Variants in FBXL7 observed in about 807,000 individuals in gnomAD.
FBXL7 encodes F-box and leucine rich repeat protein 7.
A neutral mutation model predicts 38.3 loss-of-function variants in FBXL7; 12 were observed. That is an observed-to-expected ratio of 0.31 (90% CI 0.20 to 0.51). The LOEUF (loss-of-function observed/expected upper bound fraction) is 0.51, where lower values mean the gene tolerates loss of function less well. Among genes scored for constraint, FBXL7 ranks in the 20% least tolerant of loss-of-function variants. The probability of loss-of-function intolerance (pLI) is 0.98; values close to 1 mark genes in which losing one functional copy is unlikely to be tolerated. For missense variants in FBXL7, 567 were observed against 676.4 expected (o/e 0.84, Z 1.79); for synonymous variants, 297 against 300.9 (o/e 0.99, Z 0.13).
chr5:15,775,043 T>A (rs1736824111), intron 2 of FBXL7, among the ~76,000 whole-genome samples: 1 of 152,174 alleles, frequency 6.6e-6, no homozygotes, highest in Non-Finnish European at 1.5e-5. Context: ...CAGAAAACAT[T>A]TCTGACATGA....
At chr5:15,704,985 A>T (rs1448326741) in intron 2 of FBXL7, among the ~76,000 whole-genome samples, 4 of 151,942 alleles carry the variant, frequency 2.6e-5, no homozygotes, top group Non-Finnish European at 5.9e-5. Flanking sequence ...AAAAAATTAA[A>T]TATATATATA....
chr5:15,546,607 T>C (rs995181485), intron 1 of FBXL7, among the ~76,000 whole-genome samples: 2 of 152,138 alleles, frequency 1.3e-5, no homozygotes, highest in Non-Finnish European at 2.9e-5. Context: ...GGCAGGCACC[T>C]GTAATTCCAG....
At chr5:15,712,417 G>GA (rs1306382989) in intron 2 of FBXL7, among the ~76,000 whole-genome samples, 1 of 150,668 alleles carries the variant, frequency 6.6e-6, no homozygotes, top group Non-Finnish European at 1.5e-5. Context: ...CCTGATACAT[G>GA]AAAAAATGTG....
At chr5:15,701,514 T>C (rs1457015057) in intron 2 of FBXL7, among the ~76,000 whole-genome samples, 1 of 152,156 alleles carries the variant, frequency 6.6e-6, no homozygotes, top group African/African-American at 2.4e-5. Context: ...TGTGTACTAT[T>C]TAATTAATTA....
intron 2 of FBXL7, among the ~76,000 whole-genome samples, chr5:15,701,615 CAT>C (rs1561091495): frequency 6.6e-6 from 1 of 151,570 alleles, no homozygotes; most frequent in African/African-American, 2.4e-5. Flanking sequence ...AGGAGATAGA[CAT>C]ATAAAAAAAA....
At chr5:15,701,099 G>A (rs923882619) in intron 2 of FBXL7, among the ~76,000 whole-genome samples, 8 of 152,114 alleles carry the variant, frequency 5.3e-5, no homozygotes, top group African/African-American at 1.9e-4. Context: ...TGAATTTTTT[G>A]AGTCAGGTTG....
intron 2 of FBXL7, among the ~76,000 whole-genome samples, chr5:15,697,227 C>T (rs1455384184): frequency 1.3e-5 from 2 of 152,036 alleles, no homozygotes; most frequent in African/African-American, 2.4e-5. Flanking sequence ...GGAATAGGTC[C>T]TCTCTGGTTA....
intron 2 of FBXL7, among the ~76,000 whole-genome samples, chr5:15,926,516 C>A (rs1741881125): frequency 6.7e-6 from 1 of 150,262 alleles, no homozygotes; most frequent in African/African-American, 2.4e-5. Context: ...AAAAATATAT[C>A]ATATGCAATT....
At chr5:15,855,980 C>T (rs916148872) in intron 2 of FBXL7, among the ~76,000 whole-genome samples, 1 of 152,058 alleles carries the variant, frequency 6.6e-6, no homozygotes, top group African/African-American at 2.4e-5. Context: ...TTCAAACTAC[C>T]AAAGTAATAT....
At chr5:15,504,217 A>T (rs1370228018) in intron 1 of FBXL7, among the ~76,000 whole-genome samples, 1 of 152,256 alleles carries the variant, frequency 6.6e-6, no homozygotes, top group Non-Finnish European at 1.5e-5. Flanking sequence ...AAATTTCTTG[A>T]CATTACTTGT....
chr5:15,734,595 C>T (rs1735698764), intron 2 of FBXL7, among the ~76,000 whole-genome samples: 1 of 152,240 alleles, frequency 6.6e-6, no homozygotes. Context: ...TTCTGCCTCC[C>T]TCCTCTTCCA....
chr5:15,885,367 T>G (rs1740633387), intron 2 of FBXL7, among the ~76,000 whole-genome samples: 1 of 152,180 alleles, frequency 6.6e-6, no homozygotes, highest in Admixed American at 6.5e-5. Context: ...AATCTAACCT[T>G]GGAAGTGACA....
At chr5:15,830,674 T>G (rs1179422664) in intron 2 of FBXL7, among the ~76,000 whole-genome samples, 1 of 152,206 alleles carries the variant, frequency 6.6e-6, no homozygotes, top group African/African-American at 2.4e-5. Context: ...GTGCAGCTTA[T>G]TTTAATTATT....
intron 1 of FBXL7, among the ~76,000 whole-genome samples, chr5:15,578,847 C>T (rs536653240): frequency 1.3e-5 from 2 of 152,164 alleles, no homozygotes; most frequent in Non-Finnish European, 2.9e-5. Context: ...GATGGAATAT[C>T]TTTGGATTGG....
chr5:15,694,209 T>G (rs1418712498), intron 2 of FBXL7, among the ~76,000 whole-genome samples: 1 of 152,170 alleles, frequency 6.6e-6, no homozygotes, highest in Non-Finnish European at 1.5e-5. Context: ...AGCCTCACCC[T>G]TGTTGCATGT....
chr5:15,845,854 C>A (rs561874235), intron 2 of FBXL7, among the ~76,000 whole-genome samples: 12 of 152,118 alleles, frequency 7.9e-5, no homozygotes, highest in Non-Finnish European at 1.5e-5. Context: ...GCCTGGAGTC[C>A]CAGCTACTCG....
intron 2 of FBXL7, among the ~76,000 whole-genome samples, chr5:15,867,717 T>G (rs918606349): frequency 6.6e-6 from 1 of 152,188 alleles, no homozygotes; most frequent in African/African-American, 2.4e-5. Flanking sequence ...GTGCTTAAAG[T>G]GGAAGAGACA....
chr5:15,562,729 T>A (rs1365472830), intron 1 of FBXL7, among the ~76,000 whole-genome samples: 1 of 152,038 alleles, frequency 6.6e-6, no homozygotes, highest in African/African-American at 2.4e-5. Context: ...TTTCCCCTCC[T>A]CCTTCCCTCT....
In FBXL7 at chr5:15,936,572, G is replaced by A. The variant is rs1175302249; in HGVS notation, c.862G>A (p.Glu288Lys). 4 of 1,612,762 alleles carry A rather than the reference G, an allele frequency of 2.5e-6. No individual in the cohort carries two copies. Among genetic ancestry groups the A allele is most frequent in the East Asian group, 2.2e-5 (1 of 44,876 alleles). Residue 288 changes from glutamate (E) to lysine (K), a missense_variant, in exon 4 of 4, where the codon GAA becomes AAA. Coordinates refer to ENST00000504595, the MANE Select transcript of FBXL7 (RefSeq NM_012304.5). The surrounding 1 kb of genome is among the most constrained non-coding windows in gnomAD (Gnocchi z 6.0). ...GACGGACTGCTTCGTGCTGGAGGAC[G>A]AAGGCCTGCACACCATCGCGGCGCA... The part of the protein sequence containing the change: ...DMTDCFVLED[E>K]GLHTIAAHCT...
Sources: gnomAD v4.1 joint callset for allele counts (sites outside exome capture counted in the v4.1 genomes callset) on GRCh38, gnomAD v4.1.1 for gene constraint, Gnocchi (gnomAD v3.1) non-coding constraint, MANE v1.5 for transcripts, NCBI Gene and HGNC (gene_info 2026-07-23, HGNC 2026-07-21) for gene names.